The following DRC3 variants were observed in gnomAD, a reference collection of about 807,000 sequenced individuals.
The protein encoded by DRC3 is dynein regulatory complex subunit 3, also known as leucine rich repeat containing 48.
DRC3 carries 45 observed loss-of-function variants against 57.6 expected under a neutral mutation model. The observed-to-expected ratio is 0.78, with a 90% CI of 0.62 to 1.00. DRC3 has a LOEUF of 1.00. Among genes scored for constraint, DRC3 ranks in the 50% least tolerant of loss-of-function variants. The probability of loss-of-function intolerance (pLI) is 0.00; values close to 1 mark genes in which losing one functional copy is unlikely to be tolerated. For missense variants in DRC3, 655 were observed against 675.2 expected, an observed-to-expected ratio of 0.97 and a Z score of 0.33; for synonymous variants, 257 against 272.3, an observed-to-expected ratio of 0.94 and a Z score of 0.55.
At chr17:18,005,908 A>C in intron 10 of DRC3, 2 of 423,350 alleles carry the variant, frequency 4.7e-6, no homozygotes, top group Non-Finnish European at 4.4e-6. Context: ...GCAGGCAGGT[A>C]AGGGGAGTAA....
chr17:18,007,727 G>C, intron 12 of DRC3: 2 of 1,219,054 alleles, frequency 1.6e-6, no homozygotes, highest in African/African-American at 1.5e-5. Context: ...TCTGGAAGGA[G>C]TGTGGGCATC....
chr17:18,007,275 A>G lies in DRC3; in HGVS notation c.1326+128A>G, dbSNP rs945893226. 4.6e-5 allele frequency: 49 copies of G among 1,066,862 alleles called. No individual in the cohort carries two copies. In the African/African-American group the frequency reaches 7.2e-4, roughly 16 times the overall value. The allele number at this position is 1,066,862 out of a possible 1,614,324, so 66.1% of individuals were successfully genotyped here. On this transcript the variant is annotated intron_variant, in intron 12 of 13. Transcript: ENST00000399187. ...AGTGTTCTCATCTGCAAAAGGGCAC[A>G]CTAACCTGCTTTACAGGGTTGCTGG...
intron 3 of DRC3, among the ~76,000 whole-genome samples, chr17:17,979,339 A>G (rs2042542176): frequency 6.6e-6 from 1 of 152,066 alleles, no homozygotes; most frequent in Non-Finnish European, 1.5e-5. Context: ...CCTGAGCAGA[A>G]GTGGGACAGG....
chr17:17,998,000 C>A (rs1235703648), intron 9 of DRC3, among the ~76,000 whole-genome samples: 1 of 152,206 alleles, frequency 6.6e-6, no homozygotes, highest in Non-Finnish European at 1.5e-5. Flanking sequence ...TCCTTTTATT[C>A]ATTCATTCAT....
At chr17:18,004,338 C>T (rs1597627515) in intron 9 of DRC3, 25 bp from the exon 10 acceptor site, 1 of 1,586,746 alleles carries the variant, frequency 6.3e-7, no homozygotes, top group East Asian at 2.3e-5. Context: ...TTGTTGATTC[C>T]TAAAGTGCAG....
intron 1 of DRC3, 81 bp from the exon 2 acceptor site, chr17:17,973,771 A>C (rs1167287716): frequency 6.6e-6 from 1 of 152,116 alleles, no homozygotes; most frequent in Admixed American, 6.6e-5. Flanking sequence ...ATCTCGCCCA[A>C]CCAATTTTCT....
intron 11 of DRC3, 75 bp downstream of exon 11, chr17:18,006,328 A>C: frequency 9.2e-7 from 1 of 1,089,326 alleles, no homozygotes; most frequent in Non-Finnish European, 1.4e-6. Context: ...CTCTGGACAA[A>C]AGAATGTTCC....
chr17:17,974,569 T>G (rs1194508767), intron 2 of DRC3, among the ~76,000 whole-genome samples: 2 of 152,142 alleles, frequency 1.3e-5, no homozygotes, highest in African/African-American at 2.4e-5. Context: ...CCTAGGTGCT[T>G]TCCAGGGATT....
chr17:17,997,070 C>T lies in DRC3; in HGVS notation c.825-390C>T, dbSNP rs1036413306. On this transcript the variant is annotated intron_variant, in intron 8 of 13. Coordinates refer to ENST00000399187, the MANE Select transcript of DRC3 (RefSeq NM_031294.4). ...CCAGATAGCACACCAGAGACAGAAA[C>T]GCACACTGCCTGCTTCCCCAGCTGG... 2.6e-5 allele frequency among the ~76,000 whole-genome samples: 4 copies of T among 152,266 alleles called. No homozygotes were observed. In the East Asian group the frequency reaches 5.8e-4, roughly 22 times the overall value.
At chr17:17,975,392 A>C (rs1301287387) in intron 2 of DRC3, among the ~76,000 whole-genome samples, 1 of 151,564 alleles carries the variant, frequency 6.6e-6, no homozygotes, top group Non-Finnish European at 1.5e-5. Context: ...TTGTATTTTT[A>C]ATAAAGTCAG....
At chr17:17,996,545 G>C (rs946098287) in intron 8 of DRC3, among the ~76,000 whole-genome samples, 3 of 152,108 alleles carry the variant, frequency 2.0e-5, no homozygotes, top group African/African-American at 4.8e-5. Context: ...CCCCCACCGG[G>C]TTCCTCCCAC....
At chr17:18,012,169 C>T (rs151024845) in intron 12 of DRC3, among the ~76,000 whole-genome samples, 15 of 152,288 alleles carry the variant, frequency 9.8e-5, no homozygotes, top group Non-Finnish European at 1.9e-4. Flanking sequence ...GATACATAAA[C>T]CAATGAAACA....
At position 17,978,594 on chromosome 17, in the gene DRC3, C is replaced by T. The variant is rs77909256; in HGVS notation, c.160+836C>T. On this transcript the variant is annotated intron_variant, in intron 3 of 13. Transcript: ENST00000399187. ...GTCAACAACAAGGAGGTATTGAGAC[C>T]CTGCCTCAGTCCAGCCCTGCTGCCA... is the stretch of plus-strand genomic sequence containing the variant. Among the ~76,000 whole-genome samples, 13 of 152,310 alleles carry T rather than the reference C, an allele frequency of 8.5e-5. No homozygotes were observed. The East Asian group carries it at 2.5e-3, about 29-fold the overall frequency.
chr17:17,982,049 G>T (rs1241530171), intron 3 of DRC3, among the ~76,000 whole-genome samples: 1 of 150,820 alleles, frequency 6.6e-6, no homozygotes, highest in African/African-American at 2.4e-5. Flanking sequence ...CTGGAGTTCA[G>T]TGGCGTAATC....
chr17:17,982,373 G>A (rs1568463101), intron 3 of DRC3, among the ~76,000 whole-genome samples: 3 of 151,516 alleles, frequency 2.0e-5, no homozygotes, highest in South Asian at 4.2e-4. Context: ...CCGCCACCAC[G>A]CCCAGCTAAT....
intron 12 of DRC3, among the ~76,000 whole-genome samples, chr17:18,013,132 A>T (rs78796758): frequency 0.018 from 2,754 of 152,342 alleles, 89 homozygotes; most frequent in African/African-American, 0.062. Context: ...GATGATAATT[A>T]TCAAAAAGAC....
intron 2 of DRC3, chr17:17,977,294 G>T: frequency 2.5e-6 from 1 of 392,334 alleles, no homozygotes; most frequent in Non-Finnish European, 4.7e-6. Flanking sequence ...TCACAGGCTA[G>T]GGAGACCAGT....
intron 5 of DRC3, 179 bp downstream of exon 5, chr17:17,988,277 C>G: frequency 1.6e-6 from 1 of 643,644 alleles, no homozygotes; most frequent in South Asian, 2.0e-5. Context: ...AAATACCATG[C>G]TTACCCAACA....
intron 3 of DRC3, among the ~76,000 whole-genome samples, chr17:17,978,327 G>A (rs904424471): frequency 1.3e-5 from 2 of 152,214 alleles, no homozygotes; most frequent in Admixed American, 1.3e-4. Context: ...TGGGATGGCT[G>A]TCATCCCTGT....
Sources: gnomAD v4.1 joint callset for allele counts (sites outside exome capture counted in the v4.1 genomes callset) on GRCh38, gnomAD v4.1.1 for gene constraint, MANE v1.5 for transcripts, NCBI Gene and HGNC (gene_info 2026-07-23, HGNC 2026-07-21) for gene names.